CSMD1: variants seen among roughly 807,000 people sequenced by gnomAD.
The protein encoded by CSMD1 is CUB and sushi domain-containing protein 1.
CSMD1 carries 213 observed loss-of-function variants against 417.5 expected under a neutral mutation model. The ratio of observed to expected loss-of-function variants is 0.51; its 90% CI spans 0.46 to 0.57. The LOEUF is 0.57. Ranked by LOEUF, CSMD1 falls within the 20% of genes least tolerant of loss-of-function variation. The pLI, the probability that CSMD1 is intolerant of heterozygous loss-of-function variation, is 0.00. For synonymous variants in CSMD1, 2,862 were observed against 1,736.8 expected, an observed-to-expected ratio of 1.65 and a Z score of -16.11; for missense variants, 6,923 against 4,529.7, an observed-to-expected ratio of 1.53 and a Z score of -15.17.
chr8:2,973,788 C>T lies in CSMD1; in HGVS notation c.8741-489G>A, dbSNP rs543345481. 1.9e-3 allele frequency among the ~76,000 whole-genome samples: 288 copies of T among 151,550 alleles called. 1 individual carries two copies. Among genetic ancestry groups the T allele is most frequent in the African/African-American group, 6.7e-3 (277 of 41,242 alleles). On this transcript the variant is annotated intron_variant, in intron 56 of 69. Transcript: ENST00000635120. ...AAAAAATAAAGATAATGTTTTTTTT[C>T]TTCCAAAGAGGACCCATGCGGTTAA...
chr8:4,779,372 G>C (rs952123260), intron 1 of CSMD1, among the ~76,000 whole-genome samples: 1 of 152,152 alleles, frequency 6.6e-6, no homozygotes, highest in Admixed American at 6.5e-5. Flanking sequence ...TTTTACAGAA[G>C]AGTTCATAAT....
chr8:3,481,992 G>T (rs1040813942), intron 11 of CSMD1, among the ~76,000 whole-genome samples: 1 of 152,192 alleles, frequency 6.6e-6, no homozygotes, highest in Admixed American at 6.5e-5. Flanking sequence ...AGTCACATAT[G>T]TTTATTGTAA....
intron 12 of CSMD1, among the ~76,000 whole-genome samples, chr8:3,417,351 A>G (rs1563367891): frequency 6.6e-6 from 1 of 152,228 alleles, no homozygotes; most frequent in Non-Finnish European, 1.5e-5. Flanking sequence ...TTTAGATTTC[A>G]GACAGCTAAC....
intron 2 of CSMD1, among the ~76,000 whole-genome samples, chr8:4,459,803 A>G (rs952171346): frequency 6.6e-6 from 1 of 152,204 alleles, no homozygotes; most frequent in Non-Finnish European, 1.5e-5. Context: ...GTTTAAAACC[A>G]TACAATTTGT....
chr8:3,945,694 A>G (rs1192371302), intron 5 of CSMD1, among the ~76,000 whole-genome samples: 1 of 152,154 alleles, frequency 6.6e-6, no homozygotes, highest in Non-Finnish European at 1.5e-5. Context: ...CAGATAGCTC[A>G]TCGACATTTA....
intron 25 of CSMD1, among the ~76,000 whole-genome samples, chr8:3,286,454 G>C (rs1400782564): frequency 6.6e-6 from 1 of 152,130 alleles, no homozygotes; most frequent in Admixed American, 6.5e-5. Flanking sequence ...GAGTGTGAAA[G>C]TGTTCCTATT....
chr8:3,878,974 A>G (rs1806019170), intron 5 of CSMD1, among the ~76,000 whole-genome samples: 1 of 152,164 alleles, frequency 6.6e-6, no homozygotes, highest in African/African-American at 2.4e-5. Flanking sequence ...ATCATGATGC[A>G]AGCACTTCAA....
intron 3 of CSMD1, among the ~76,000 whole-genome samples, chr8:4,185,442 G>A (rs1475305776): frequency 6.6e-6 from 1 of 152,034 alleles, no homozygotes; most frequent in East Asian, 1.9e-4. Context: ...GATAAATAAT[G>A]ATTTTAAAAA....
intron 3 of CSMD1, among the ~76,000 whole-genome samples, chr8:4,264,640 C>G (rs1008375034): frequency 1.3e-5 from 2 of 152,218 alleles, no homozygotes; most frequent in East Asian, 1.9e-4. Flanking sequence ...CTGTCCCACC[C>G]AGGTACATGA....
intron 1 of CSMD1, among the ~76,000 whole-genome samples, chr8:4,738,169 T>C (rs920008098): frequency 1.3e-5 from 2 of 152,228 alleles, no homozygotes; most frequent in East Asian, 1.9e-4. Context: ...GGTTAGTTTA[T>C]TTGGTTTGAT....
rs1814493291 is a variant in CSMD1 at position 3,435,435 on chromosome 8, A to G, written c.1562-25830T>C. Reference sequence around the variant, plus strand: ...CCTGAAACATCACCTGTGGATGCCTATTGAACACATCCCACTCTTAGACCA... The same window carrying G: ...CCTGAAACATCACCTGTGGATGCCTGTTGAACACATCCCACTCTTAGACCA... On this transcript the variant is annotated intron_variant, in intron 12 of 69. Coordinates refer to ENST00000635120, the MANE Select transcript of CSMD1 (RefSeq NM_033225.6). Among the ~76,000 whole-genome samples, 3 of 152,026 alleles carry G rather than the reference A, an allele frequency of 2.0e-5. No individual in the cohort carries two copies. In the South Asian group the frequency reaches 6.2e-4, roughly 32 times the overall value.
chr8:4,743,923 A>C (rs1313558978), intron 1 of CSMD1, among the ~76,000 whole-genome samples: 1 of 152,198 alleles, frequency 6.6e-6, no homozygotes, highest in Non-Finnish European at 1.5e-5. Flanking sequence ...CTAGAAGTTT[A>C]TAAACCACAG....
intron 3 of CSMD1, among the ~76,000 whole-genome samples, chr8:4,256,004 T>C (rs1803431729): frequency 6.6e-6 from 1 of 152,194 alleles, no homozygotes; most frequent in Non-Finnish European, 1.5e-5. Context: ...TAGAGAGGGT[T>C]ATCTCATAAA....
At chr8:4,033,215 A>G (rs1056506271) in intron 3 of CSMD1, among the ~76,000 whole-genome samples, 2 of 147,864 alleles carry the variant, frequency 1.4e-5, no homozygotes, top group Admixed American at 1.4e-4. Flanking sequence ...CCGAGGCAGG[A>G]GGATCGTGAG....
chr8:2,981,749 T>A (rs1291108896), intron 54 of CSMD1, among the ~76,000 whole-genome samples: 4 of 152,118 alleles, frequency 2.6e-5, no homozygotes, highest in African/African-American at 9.7e-5. Flanking sequence ...AAGCTGGGTA[T>A]GTGGAAAGGT....
intron 3 of CSMD1, among the ~76,000 whole-genome samples, chr8:4,143,726 G>C (rs183264289): frequency 3.2e-4 from 48 of 151,192 alleles, no homozygotes; most frequent in Non-Finnish European, 6.6e-4. Flanking sequence ...AGAAACATAG[G>C]AAGGAAGCTG....
intron 1 of CSMD1, among the ~76,000 whole-genome samples, chr8:4,783,661 G>C (rs1471228719): frequency 1.3e-5 from 2 of 152,150 alleles, no homozygotes; most frequent in Non-Finnish European, 2.9e-5. Flanking sequence ...GTCATGAACA[G>C]GCTGAAGCCA....
At chr8:3,334,989 T>G (rs1450297229) in intron 23 of CSMD1, among the ~76,000 whole-genome samples, 3 of 152,178 alleles carry the variant, frequency 2.0e-5, no homozygotes, top group Non-Finnish European at 2.9e-5. Context: ...AATGCTCCCC[T>G]GAAAAAAGTG....
chr8:4,702,173 G>C (rs912028656), intron 1 of CSMD1, among the ~76,000 whole-genome samples: 2 of 152,192 alleles, frequency 1.3e-5, no homozygotes, highest in Non-Finnish European at 2.9e-5. Flanking sequence ...TTAATACCTA[G>C]GTGATGGGTT....
Sources: gnomAD v4.1 joint callset for allele counts (sites outside exome capture counted in the v4.1 genomes callset) on GRCh38, gnomAD v4.1.1 for gene constraint, MANE v1.5 for transcripts, NCBI Gene and HGNC (gene_info 2026-07-23, HGNC 2026-07-21) for gene names.